ATP8B1: variants seen among roughly 807,000 people sequenced by gnomAD.
ATP8B1 encodes phospholipid-transporting ATPase IC.
In ATP8B1, 80 loss-of-function variants were observed where a neutral mutation model predicts 149.9. The ratio of observed to expected loss-of-function variants is 0.53; its 90% CI spans 0.45 to 0.64. The LOEUF (loss-of-function observed/expected upper bound fraction) is 0.64. ATP8B1 is among the 30% of genes least tolerant of loss of function. The pLI is 0.00. For synonymous variants in ATP8B1, 536 were observed against 562.8 expected (o/e 0.95, Z 0.67); for missense variants, 1,247 against 1,552.6 (o/e 0.80, Z 3.31).
At chr18:57,717,531 G>T (rs1477620157) in intron 2 of ATP8B1, among the ~76,000 whole-genome samples, 4 of 61,830 alleles carry the variant, frequency 6.5e-5, no homozygotes, top group African/African-American at 2.7e-4. Context: ...CTGGGTAACA[G>T]AGCAAGACTC....
intron 1 of ATP8B1, among the ~76,000 whole-genome samples, chr18:57,744,617 C>G (rs1156364594): frequency 6.6e-6 from 1 of 152,116 alleles, no homozygotes; most frequent in Non-Finnish European, 1.5e-5. Flanking sequence ...GGACAATGGC[C>G]TCATTTTTAC....
intron 1 of ATP8B1, among the ~76,000 whole-genome samples, chr18:57,788,324 C>T (rs1415700213): frequency 6.6e-6 from 1 of 152,060 alleles, no homozygotes; most frequent in Non-Finnish European, 1.5e-5. Context: ...GAGGCCAAGG[C>T]GGGAGGATCA....
chr18:57,693,290 A>G (rs1912633068), intron 11 of ATP8B1, among the ~76,000 whole-genome samples: 1 of 152,228 alleles, frequency 6.6e-6, no homozygotes, highest in Non-Finnish European at 1.5e-5. Flanking sequence ...TGGGCAGAAA[A>G]GAGCAAACAT....
intron 1 of ATP8B1, among the ~76,000 whole-genome samples, chr18:57,764,327 CTTTCTTTCTTTCTT>C (rs140387001): frequency 0.46 from 61,569 of 134,028 alleles, 13,124 homozygotes; most frequent in South Asian, 0.54. Flanking sequence ...CTTTCTTTTT[CTTTCTTTCTTTCTT>C]TTTCTTTCTT....
chr18:57,688,435 G>A lies in ATP8B1; in HGVS notation c.1293C>T (p.Asp431=). 6.2e-7 allele frequency: 1 copy of A among 1,614,208 alleles called. No individual in the cohort carries two copies. The highest frequency in any genetic ancestry group is 8.5e-7 in the Non-Finnish European group (1 of 1,180,040). Residue 431 remains aspartate, a synonymous_variant, in exon 13 of 28, where the codon GAC becomes GAT. Transcript: ENST00000648908. ...TGGTGGTTCTAGCTTTTGCGGGTGTGTCCTTCTCAGCATAGTACATTTGCA... is the reference window on the plus strand; with the variant it reads ...TGGTGGTTCTAGCTTTTGCGGGTGTATCCTTCTCAGCATAGTACATTTGCA... ...WDLQMYYAEK[D]TPAKARTTTL...
rs570198798 is a variant in ATP8B1 at position 57,667,173 on chromosome 18, A to T, written c.2210-6T>A. On this transcript the variant is annotated splice_polypyrimidine_tract_variant and splice_region_variant and intron_variant, in intron 19 of 27. Transcript: ENST00000648908. ...TCCTATATTTTCAGCAGTTTCTACA[A>T]TAGAATAAAATTAAGTCAAATGTCA... 1 of 1,600,250 alleles carries T rather than the reference A, an allele frequency of 6.2e-7. No homozygotes were observed. Among genetic ancestry groups the T allele is most frequent in the African/African-American group, 1.3e-5 (1 of 74,732 alleles).
At chr18:57,738,476 T>A (rs1051323768) in intron 1 of ATP8B1, among the ~76,000 whole-genome samples, 2 of 151,972 alleles carry the variant, frequency 1.3e-5, no homozygotes, top group African/African-American at 2.4e-5. Context: ...TACAAAAAAA[T>A]TAGCTGGGCA....
intron 2 of ATP8B1, among the ~76,000 whole-genome samples, chr18:57,707,436 C>T (rs929462337): frequency 6.6e-6 from 1 of 151,710 alleles, no homozygotes; most frequent in Non-Finnish European, 1.5e-5. Flanking sequence ...TGAATCCCCA[C>T]CAAATTGGCA....
intron 8 of ATP8B1, 83 bp from the exon 9 acceptor site, chr18:57,695,615 C>A (rs893836839): frequency 1.2e-5 from 12 of 982,734 alleles, no homozygotes; most frequent in Non-Finnish European, 1.6e-6. Flanking sequence ...TTACATTAGC[C>A]ATACCTGGAC....
chr18:57,794,119 T>A (rs557061809), intron 1 of ATP8B1, among the ~76,000 whole-genome samples: 1 of 151,998 alleles, frequency 6.6e-6, no homozygotes, highest in Non-Finnish European at 1.5e-5. Context: ...GATAGTAGTA[T>A]TTTTGGTTGG....
chr18:57,788,573 A>G (rs572060139), intron 1 of ATP8B1, among the ~76,000 whole-genome samples: 1 of 151,178 alleles, frequency 6.6e-6, no homozygotes, highest in Non-Finnish European at 1.5e-5. Context: ...AAAAAGAAAG[A>G]AAGGAAAAGA....
intron 1 of ATP8B1, chr18:57,738,013 G>A (rs1258936150): frequency 6.6e-6 from 1 of 152,210 alleles, no homozygotes; most frequent in Admixed American, 6.5e-5. Flanking sequence ...GACACACACG[G>A]GAGGAATTTG....
intron 2 of ATP8B1, among the ~76,000 whole-genome samples, chr18:57,712,023 T>C (rs1913710618): frequency 6.7e-6 from 1 of 149,096 alleles, no homozygotes. Context: ...GCAATGTTTG[T>C]GATTCCTCTC....
intron 4 of ATP8B1, among the ~76,000 whole-genome samples, chr18:57,702,970 GAAGT>G (rs1913206201): frequency 6.6e-6 from 1 of 152,042 alleles, no homozygotes; most frequent in Admixed American, 6.6e-5. Context: ...CTGCTAGAAG[GAAGT>G]AAGGGAAAAT....
rs758654293 is a variant in ATP8B1, at chr18:57,647,957, G to A, written c.*531C>T. 8.3e-5 allele frequency: 17 copies of A among 204,020 alleles called. No individual in the cohort carries two copies. The highest frequency in any genetic ancestry group is 3.0e-5 in the Non-Finnish European group (3 of 98,624). 12.6% of individuals were successfully genotyped at this position (204,020 alleles called of 1,614,324 possible). A position where few individuals can be genotyped will look rare whatever the true frequency, so the allele number is the denominator to read the frequency against. On this transcript the variant is annotated 3_prime_UTR_variant, in exon 28 of 28. Transcript: ENST00000648908. ...CTGCCTTGGCCTCCCAAAGTGCTAG[G>A]ATGACAGGCATGAGCCACCATGCCC...
intron 1 of ATP8B1, among the ~76,000 whole-genome samples, chr18:57,770,044 C>T (rs2080251093): frequency 1.3e-5 from 2 of 150,786 alleles, no homozygotes. Context: ...ATAAAACCCT[C>T]ATGCTGAGAA....
intron 1 of ATP8B1, among the ~76,000 whole-genome samples, chr18:57,762,379 T>A (rs2080166634): frequency 6.6e-6 from 1 of 151,972 alleles, no homozygotes; most frequent in African/African-American, 2.4e-5. Flanking sequence ...CCTCAAGTGA[T>A]CTGCCCGCGT....
chr18:57,749,010 A>C (rs529657302), intron 1 of ATP8B1, among the ~76,000 whole-genome samples: 2 of 152,258 alleles, frequency 1.3e-5, no homozygotes, highest in Admixed American at 1.3e-4. Flanking sequence ...ATGTATTAAA[A>C]CATCTTCAAA....
rs548081333 is a variant in ATP8B1, at chr18:57,691,312, GGTT to G, written c.1220+492_1220+494del. ...AGATGAAAAAGAGAACATTTTGAGA[GGTT>G]GATGAAGGACAGGGAGTTTCTTTCC... On this transcript the variant is annotated intron_variant, in intron 12 of 27. Transcript: ENST00000648908. Among the ~76,000 whole-genome samples, 7 of 152,284 alleles carry G rather than the reference GGTT, an allele frequency of 4.6e-5. No homozygotes were observed. In the South Asian group the frequency reaches 8.3e-4, roughly 18 times the overall value.
Sources: allele counts gnomAD v4.1 joint callset (sites outside exome capture counted in the v4.1 genomes callset), GRCh38; gene constraint gnomAD v4.1.1; transcripts MANE v1.5; gene names NCBI Gene and HGNC (gene_info 2026-07-23, HGNC 2026-07-21).